The following EHMT1 variants were observed in gnomAD, a reference collection of about 807,000 sequenced individuals.
The protein encoded by EHMT1 is euchromatic histone lysine methyltransferase 1.
EHMT1 carries 15 observed loss-of-function variants against 147.2 expected under a neutral mutation model. The observed-to-expected ratio is 0.10, with a 90% confidence interval of 0.07 to 0.16. The LOEUF (loss-of-function observed/expected upper bound fraction) is 0.16. EHMT1 is among the 10% of genes least tolerant of loss of function. The pLI, the probability that EHMT1 is intolerant of heterozygous loss-of-function variation, is 1.00. For missense variants in EHMT1, 1,587 were observed against 1,772.4 expected, an observed-to-expected ratio of 0.90 and a Z score of 1.88; for synonymous variants, 795 against 709.6, an observed-to-expected ratio of 1.12 and a Z score of -1.91.
Position 137,668,457 on chromosome 9 carries a change from A to G in EHMT1, c.22-42510A>G, listed in dbSNP as rs532010051. ...CACCTACTCATCCATTCACCTGTCCACATCCATCTATTCACCAACCATCAC... is the reference window on the plus strand; with the variant it reads ...CACCTACTCATCCATTCACCTGTCCGCATCCATCTATTCACCAACCATCAC... On this transcript the variant is annotated intron_variant, in intron 1 of 26. Transcript: ENST00000460843. Among the ~76,000 whole-genome samples, 4 of 152,084 alleles carry G rather than the reference A, an allele frequency of 2.6e-5. No homozygotes were observed. In the South Asian group the frequency reaches 8.3e-4, roughly 32 times the overall value.
intron 22 of EHMT1, among the ~76,000 whole-genome samples, chr9:137,814,998 A>G (rs1241459345): frequency 6.6e-6 from 1 of 151,656 alleles, no homozygotes; most frequent in Non-Finnish European, 1.5e-5. Flanking sequence ...TGAGGAGGAG[A>G]CGGGAGTGGG....
chr9:137,635,542 T>C (rs570228627), intron 1 of EHMT1, among the ~76,000 whole-genome samples: 173 of 148,478 alleles, frequency 1.2e-3, no homozygotes, highest in African/African-American at 4.0e-3. Context: ...TTTTCAGAGC[T>C]GGGCGCGGTG....
chr9:137,807,709 C>T (rs1280615483), intron 18 of EHMT1, among the ~76,000 whole-genome samples: 1 of 151,840 alleles, frequency 6.6e-6, no homozygotes, highest in Non-Finnish European at 1.5e-5. Context: ...GGTTTCACCA[C>T]GTTGCCCAGG....
At chr9:137,621,840 C>G (rs1272765410) in intron 1 of EHMT1, among the ~76,000 whole-genome samples, 2 of 151,434 alleles carry the variant, frequency 1.3e-5, no homozygotes, top group African/African-American at 4.9e-5. Context: ...TGTATCGCTT[C>G]TTTATTTTTT....
chr9:137,823,662 C>T (rs1025807961), intron 25 of EHMT1, among the ~76,000 whole-genome samples: 10 of 152,190 alleles, frequency 6.6e-5, no homozygotes, highest in South Asian at 2.1e-4. Context: ...CCGCCCGCCT[C>T]GGCCTCTCAA....
Position 137,790,928 on chromosome 9 carries a change from A to C in EHMT1, c.2463A>C (p.Ala821=), listed in dbSNP as rs1443897364. The change falls in exon 16 of 27, where the codon GCA becomes GCC. Residue 821 remains alanine (A), a synonymous_variant. Coordinates refer to ENST00000460843, the MANE Select transcript of EHMT1 (RefSeq NM_024757.5). ...MEAAENNHLE[A]VKYLIKAGAL... ...CAGCCGAAAACAACCATCTGGAAGC[A>C]GTGAAGTACCTCATCAAGGCTGGGG... is the stretch of plus-strand genomic sequence containing the variant. 6.2e-7 allele frequency: 1 copy of C among 1,614,218 alleles called. No homozygotes were observed. Among genetic ancestry groups the C allele is most frequent in the Admixed American group, 1.7e-5 (1 of 60,024 alleles).
At chr9:137,703,292 G>A (rs1487414553) in intron 1 of EHMT1, among the ~76,000 whole-genome samples, 1 of 152,192 alleles carries the variant, frequency 6.6e-6, no homozygotes, top group Non-Finnish European at 1.5e-5. Context: ...AGCTCCTCAT[G>A]CAAATTTCTG....
rs766886089 is a variant in EHMT1 at position 137,716,809 on chromosome 9, G to A, written c.269G>A (p.Arg90Gln). Residue 90 changes from arginine to glutamine, a missense_variant, in exon 3 of 27, where the codon CGG becomes CAG. Physicochemically the swap from Arg to Gln is conservative, Grantham distance 43 (BLOSUM62 1). Transcript: ENST00000460843. ...NPQDGTNTLT[R>Q]IAENGVSERD... ...CAGGATGGCACCAACACACTAACTC[G>A]GATAGCGGAAAATGGGGTTTCAGAA... is the stretch of plus-strand genomic sequence containing the variant. 2.0e-5 allele frequency: 33 copies of A among 1,613,192 alleles called. No individual in the cohort carries two copies. The highest frequency in any genetic ancestry group is 2.0e-4 in the Admixed American group (12 of 59,982).
chr9:137,746,083 G>A (rs2136096250), intron 6 of EHMT1: 1 of 152,444 alleles, frequency 6.6e-6, no homozygotes, highest in South Asian at 2.1e-4. Flanking sequence ...ATGAATGGAG[G>A]TTTTTTCCCC....
At chr9:137,621,202 G>A (rs893836265) in intron 1 of EHMT1, among the ~76,000 whole-genome samples, 3 of 152,166 alleles carry the variant, frequency 2.0e-5, no homozygotes, top group African/African-American at 7.2e-5. Context: ...AGGTGAGGGA[G>A]CCCCTGTGTG....
chr9:137,669,051 T>G (rs1465174913), intron 1 of EHMT1, among the ~76,000 whole-genome samples: 2 of 152,160 alleles, frequency 1.3e-5, no homozygotes, highest in Non-Finnish European at 2.9e-5. Flanking sequence ...TGACCCCCGC[T>G]AATTTTTCTA....
At chr9:137,743,243 T>C in intron 4 of EHMT1, 128 bp from the exon 5 acceptor site, 1 of 1,200,050 alleles carries the variant, frequency 8.3e-7, no homozygotes, top group Non-Finnish European at 1.2e-6. Context: ...GCAGTGGGCC[T>C]GTTGTGATGG....
intron 8 of EHMT1, 93 bp downstream of exon 8, chr9:137,754,384 A>C: frequency 4.5e-6 from 7 of 1,545,114 alleles, no homozygotes; most frequent in Non-Finnish European, 5.3e-6. Context: ...GTAGGATTTC[A>C]TTAGAAAAGA....
chr9:137,760,634 C>G (rs1949729272), intron 9 of EHMT1, among the ~76,000 whole-genome samples: 1 of 152,188 alleles, frequency 6.6e-6, no homozygotes, highest in African/African-American at 2.4e-5. Context: ...GGATTCTCTC[C>G]TGGCCGTGAC....
intron 1 of EHMT1, among the ~76,000 whole-genome samples, chr9:137,636,971 C>T (rs563411959): frequency 8.7e-5 from 13 of 148,810 alleles, no homozygotes; most frequent in Admixed American, 1.4e-4. Flanking sequence ...GATGTCAGCT[C>T]ACTGCAAGCT....
chr9:137,745,650 C>CT (rs1193872741), intron 6 of EHMT1: 2 of 397,998 alleles, frequency 5.0e-6, no homozygotes, highest in Non-Finnish European at 4.4e-6. Flanking sequence ...GCCGCGGTCT[C>CT]TGCACACACG....
intron 3 of EHMT1, among the ~76,000 whole-genome samples, chr9:137,727,244 A>G (rs2135762685): frequency 6.6e-6 from 1 of 152,312 alleles, no homozygotes; most frequent in African/African-American, 2.4e-5. Context: ...GGCCTCCCAA[A>G]GTGCTGGAAT....
intron 1 of EHMT1, among the ~76,000 whole-genome samples, chr9:137,671,133 G>A (rs1940573055): frequency 1.3e-5 from 2 of 152,308 alleles, no homozygotes; most frequent in Admixed American, 6.5e-5. Context: ...CTTGCCTATA[G>A]TTAACTGTTT....
intron 4 of EHMT1, among the ~76,000 whole-genome samples, chr9:137,729,104 C>G (rs573985220): frequency 1.2e-4 from 18 of 152,208 alleles, no homozygotes; most frequent in African/African-American, 4.1e-4. Context: ...CCTGGGCTTT[C>G]AAACCTCCTC....
Sources: allele counts gnomAD v4.1 joint callset (sites outside exome capture counted in the v4.1 genomes callset), GRCh38; gene constraint gnomAD v4.1.1; transcripts MANE v1.5; gene names NCBI Gene and HGNC (gene_info 2026-07-23, HGNC 2026-07-21).